Variants in USP12 observed in about 807,000 individuals in gnomAD.
The protein encoded by USP12 is ubiquitin carboxyl-terminal hydrolase 12.
In USP12, 19 loss-of-function variants were observed where a neutral mutation model predicts 45.5. The observed-to-expected ratio is 0.42, with a 90% CI of 0.29 to 0.61. The LOEUF (loss-of-function observed/expected upper bound fraction) is 0.61, where lower values mean the gene tolerates loss of function less well. Among genes scored for constraint, USP12 ranks in the 20% least tolerant of loss-of-function variants. The probability of loss-of-function intolerance (pLI) is 0.22; values close to 1 mark genes in which losing one functional copy is unlikely to be tolerated. For missense variants in USP12, 242 were observed against 447.7 expected, an observed-to-expected ratio of 0.54 and a Z score of 4.15; for synonymous variants, 149 against 148.8, an observed-to-expected ratio of 1.00 and a Z score of -0.01.
chr13:27,115,228 G>A (rs1477140797), intron 2 of USP12, among the ~76,000 whole-genome samples: 1 of 152,028 alleles, frequency 6.6e-6, no homozygotes, highest in Non-Finnish European at 1.5e-5. Context: ...TTTTATTGTT[G>A]AGAATTCTAA....
intron 8 of USP12, 110 bp from the exon 9 acceptor site, chr13:27,069,494 T>C: frequency 1.2e-6 from 1 of 832,988 alleles, no homozygotes; most frequent in Non-Finnish European, 2.0e-6. Flanking sequence ...GTGGGGAAAA[T>C]GGAACTCTCA....
In USP12 at chr13:27,129,794, TCAA is replaced by T. The variant is rs1289730479; in HGVS notation, c.49-13201_49-13199del. On this transcript the variant is annotated intron_variant, in intron 1 of 8. Transcript: ENST00000282344. This position sits in a 1 kb window ranked among gnomAD's most constrained non-coding sequence, Gnocchi z 4.0. ...TTCCATTAATGTAGTTTCGGTCTTT[TCAA>T]CAACAAGAAAGCACCACTCTTTGAT... 2.0e-5 allele frequency among the ~76,000 whole-genome samples: 3 copies of T among 152,286 alleles called. 1 individual carries two copies. Among genetic ancestry groups the T allele is most frequent in the African/African-American group, 4.8e-5 (2 of 41,554 alleles).
chr13:27,108,819 G>A (rs377431135), intron 2 of USP12, among the ~76,000 whole-genome samples: 5 of 152,160 alleles, frequency 3.3e-5, no homozygotes, highest in East Asian at 3.9e-4. Context: ...TTAGCCGGGT[G>A]TGGTGGCACG....
intron 1 of USP12, among the ~76,000 whole-genome samples, chr13:27,155,185 A>C (rs529758564): frequency 4.9e-5 from 7 of 142,936 alleles, no homozygotes; most frequent in South Asian, 4.4e-4. Flanking sequence ...AGGTTCAAGC[A>C]ATTCTCCTGC....
chr13:27,132,256 A>T lies in USP12; in HGVS notation c.49-15660T>A, dbSNP rs116442199. Among the ~76,000 whole-genome samples the T allele has an allele frequency of 1.8e-3, 271 of 152,340 alleles. 1 individual carries two copies. The highest frequency in any genetic ancestry group is 6.4e-3 in the African/African-American group (267 of 41,574). ...AAAAGCAATTAACTAGAAAGAGTAG[A>T]TACTTGAAGGGTAGCTAATGTGTGC... On this transcript the variant is annotated intron_variant, in intron 1 of 8. Coordinates refer to ENST00000282344, the MANE Select transcript of USP12 (RefSeq NM_182488.4).
chr13:27,165,190 A>G (rs1168350835), intron 1 of USP12, among the ~76,000 whole-genome samples: 1 of 152,146 alleles, frequency 6.6e-6, no homozygotes, highest in African/African-American at 2.4e-5. Flanking sequence ...GAATGTCACA[A>G]ATTAGACCAG....
chr13:27,117,823 C>A (rs753186835), intron 1 of USP12: 46 of 518,022 alleles, frequency 8.9e-5, no homozygotes, highest in Admixed American at 8.7e-4. Flanking sequence ...CAATTCTGTG[C>A]ACCTGTGGTC....
In USP12 at chr13:27,127,237, T is replaced by C. The variant is rs927666989; in HGVS notation, c.49-10641A>G. 4.4e-4 allele frequency among the ~76,000 whole-genome samples: 67 copies of C among 152,240 alleles called. 2 individuals are homozygous for C. The highest frequency in any genetic ancestry group is 8.8e-5 in the Non-Finnish European group (6 of 68,046). ...GTGCACCATAAAAAGTAGAAGGGTC[T>C]AGACCTAAAACTGGCATTGCACCAT... On this transcript the variant is annotated intron_variant, in intron 1 of 8. Transcript: ENST00000282344.
Position 27,069,353 on chromosome 13 carries a change from T to C in USP12, c.1043A>G (p.Tyr348Cys). Reference protein sequence around the residue: ...KIDAQAIEEFYGLTSDISKNS... With the variant: ...KIDAQAIEEFCGLTSDISKNS... ...CTTTGAGATATCTGATGTCAACCCG[T>C]AGAATTCTTCAATAGCTTGTGCATC... Residue 348 changes from tyrosine (Y) to cysteine (C), a missense_variant, in exon 9 of 9, where the codon TAC (tyrosine) becomes TGC (cysteine). Tyr to Cys is a radical substitution (Grantham distance 194). Around this residue, in one of 5 missense-constraint regions of USP12, gnomAD observed 94 missense variants for 168.3 expected, o/e 0.56. Coordinates refer to ENST00000282344, the MANE Select transcript of USP12 (RefSeq NM_182488.4). 2 of 1,613,256 alleles carry C rather than the reference T, an allele frequency of 1.2e-6. No individual in the cohort carries two copies. Among genetic ancestry groups the C allele is most frequent in the Non-Finnish European group, 1.7e-6 (2 of 1,179,820 alleles).
chr13:27,171,683 G>A lies in USP12; in HGVS notation c.-44C>T, dbSNP rs1878634935. On this transcript the variant is annotated 5_prime_UTR_variant, in exon 1 of 9. Transcript: ENST00000282344. Reference sequence around the variant, plus strand: ...CACCCAATCACAGCGGCGGCGGCGGGCGGGGGAGGAGGGGAGCCGGGCCGC... The same window carrying A: ...CACCCAATCACAGCGGCGGCGGCGGACGGGGGAGGAGGGGAGCCGGGCCGC... The A allele has an allele frequency of 8.3e-7, 1 of 1,206,046 alleles. No individual in the cohort carries two copies. Among genetic ancestry groups the A allele is most frequent in the South Asian group, 1.6e-5 (1 of 62,378 alleles). 74.7% of individuals were successfully genotyped at this position (1,206,046 alleles called of 1,614,324 possible).
chr13:27,102,765 C>T (rs757511612), intron 3 of USP12, among the ~76,000 whole-genome samples: 6 of 152,208 alleles, frequency 3.9e-5, no homozygotes, highest in Non-Finnish European at 5.9e-5. Context: ...TTACATCACA[C>T]AATTGATGGC....
intron 1 of USP12, among the ~76,000 whole-genome samples, chr13:27,119,085 G>A (rs576334769): frequency 1.4e-4 from 21 of 152,198 alleles, no homozygotes; most frequent in African/African-American, 4.1e-4. Context: ...AGCTGGTGGC[G>A]CCTGGCACAC....
rs372985958 is a variant in USP12, at chr13:27,103,607, A to AAAAATAATAAT, written c.343+2123_343+2124insATTATTATTTT. 5.1e-3 allele frequency among the ~76,000 whole-genome samples: 658 copies of AAAAATAATAAT among 128,484 alleles called. 5 individuals are homozygous for AAAAATAATAAT. Among genetic ancestry groups the AAAAATAATAAT allele is most frequent in the African/African-American group, 0.018 (597 of 34,030 alleles). The allele number at this position is 128,484 out of a possible 152,430, so 84.3% of individuals were successfully genotyped here. ...GTAACTATTGAACTATCAAAAAAAA[A>AAAAATAATAAT]AATAATAATAATAATAATAATAAGG... On this transcript the variant is annotated intron_variant, in intron 3 of 8. Transcript: ENST00000282344.
intron 1 of USP12, among the ~76,000 whole-genome samples, chr13:27,130,678 C>A (rs1420594835): frequency 6.6e-6 from 1 of 152,074 alleles, no homozygotes; most frequent in Non-Finnish European, 1.5e-5. Context: ...TTAAATCAAT[C>A]GTATCAACGG....
At position 27,129,244 on chromosome 13, in the gene USP12, CAG is replaced by C. The variant is rs1565998073; in HGVS notation, c.49-12650_49-12649del. Among the ~76,000 whole-genome samples, 27 of 14,088 alleles carry C rather than the reference CAG, an allele frequency of 1.9e-3. No homozygotes were observed. In the Non-Finnish European group the frequency reaches 0.033, roughly 17 times the overall value. 9.2% of individuals were successfully genotyped at this position (14,088 alleles called of 152,430 possible). ...CCACAGTTAAGTGGAAAGAACAAAG[CAG>C]CATCTCTGCCAGTCCTGTTTTCTAG... On this transcript the variant is annotated intron_variant, in intron 1 of 8. Coordinates refer to ENST00000282344, the MANE Select transcript of USP12 (RefSeq NM_182488.4). This position sits in a 1 kb window ranked among gnomAD's most constrained non-coding sequence, Gnocchi z 4.0.
intron 2 of USP12, among the ~76,000 whole-genome samples, chr13:27,116,156 C>CA (rs1875725152): frequency 6.6e-6 from 1 of 151,656 alleles, no homozygotes; most frequent in Admixed American, 6.6e-5. Context: ...ACTAAAAATA[C>CA]AAAAAATTAG....
chr13:27,136,067 G>T (rs1876789703), intron 1 of USP12, among the ~76,000 whole-genome samples: 2 of 152,252 alleles, frequency 1.3e-5, no homozygotes, highest in Middle Eastern at 3.4e-3. Context: ...GGGAGAGTTA[G>T]GTGATTACAA....
chr13:27,080,321 T>C (rs567807901), intron 6 of USP12, among the ~76,000 whole-genome samples: 1 of 152,338 alleles, frequency 6.6e-6, no homozygotes, highest in South Asian at 2.1e-4. Flanking sequence ...CTACACAAGT[T>C]ACCATTACTG....
intron 3 of USP12, among the ~76,000 whole-genome samples, chr13:27,099,477 C>T (rs1874761698): frequency 6.6e-6 from 1 of 152,100 alleles, no homozygotes; most frequent in Non-Finnish European, 1.5e-5. Flanking sequence ...CAAACCCTTT[C>T]AATTTTTAAA....
Sources: allele counts gnomAD v4.1 joint callset (sites outside exome capture counted in the v4.1 genomes callset), GRCh38; gene constraint gnomAD v4.1.1; regional missense constraint gnomAD v4.1.1; non-coding constraint Gnocchi (gnomAD v3.1); transcripts MANE v1.5; gene names NCBI Gene and HGNC (gene_info 2026-07-23, HGNC 2026-07-21).